The following FBXW8 variants were observed in gnomAD, a reference collection of about 807,000 sequenced individuals.
The protein encoded by FBXW8 is F-box/WD repeat-containing protein 8.
Under a neutral mutation model 65.3 loss-of-function variants are expected in FBXW8, and 57 were observed. That is an observed-to-expected ratio of 0.87 (90% CI 0.71 to 1.09). The LOEUF (loss-of-function observed/expected upper bound fraction) is 1.09, where lower values mean the gene tolerates loss of function less well. Ranked by LOEUF, FBXW8 falls within the 50% of genes least tolerant of loss-of-function variation. The pLI is 0.00. For synonymous variants in FBXW8, 308 were observed against 330.2 expected, an observed-to-expected ratio of 0.93 and a Z score of 0.73; for missense variants, 777 against 814.8, an observed-to-expected ratio of 0.95 and a Z score of 0.57.
chr12:117,002,011 G>GT (rs368129630), intron 7 of FBXW8, among the ~76,000 whole-genome samples: 13 of 152,332 alleles, frequency 8.5e-5, no homozygotes, highest in African/African-American at 3.1e-4. Context: ...GGTTTGGATG[G>GT]TTTTTGCCTG....
chr12:116,912,450 TC>T lies in FBXW8; in HGVS notation c.318+1096del, dbSNP rs373132395. Among the ~76,000 whole-genome samples the T allele has an allele frequency of 4.1e-3, 544 of 133,678 alleles. 6 individuals are homozygous for T. Among genetic ancestry groups the T allele is most frequent in the African/African-American group, 0.014 (524 of 37,574 alleles). 87.7% of individuals were successfully genotyped at this position (133,678 alleles called of 152,430 possible). A position where few individuals can be genotyped will look rare whatever the true frequency, so the allele number is the denominator to read the frequency against. On this transcript the variant is annotated intron_variant, in intron 1 of 10. Transcript: ENST00000652555. The stretch of plus-strand genomic sequence containing the variant: ...AGTGATCCTCCCAATTGAGAATCAT[TC>T]TTTTTTTTTTTTTTTTTTTTTGAGA...
chr12:117,013,202 A>T (rs1953868089), intron 8 of FBXW8, among the ~76,000 whole-genome samples: 2 of 152,042 alleles, frequency 1.3e-5, no homozygotes, highest in African/African-American at 4.8e-5. Context: ...AGATCACACC[A>T]CTGCACTCCA....
Position 116,974,100 on chromosome 12 carries a change from C to T in FBXW8, c.835+9246C>T, listed in dbSNP as rs139835529. On this transcript the variant is annotated intron_variant, in intron 5 of 10. Transcript: ENST00000652555. ...ACAAGGAGGGGGACCTAAACAGAGTCTGGTGGCCTCCCTGACTTGAGGAGG... is the reference window on the plus strand; with the variant it reads ...ACAAGGAGGGGGACCTAAACAGAGTTTGGTGGCCTCCCTGACTTGAGGAGG... Among the ~76,000 whole-genome samples, 74 of 152,320 alleles carry T rather than the reference C, an allele frequency of 4.9e-4. No homozygotes were observed. The East Asian group carries it at 0.014, about 28-fold the overall frequency.
chr12:116,934,738 C>A (rs1006142674), intron 2 of FBXW8, among the ~76,000 whole-genome samples: 1 of 152,222 alleles, frequency 6.6e-6, no homozygotes, highest in Non-Finnish European at 1.5e-5. Context: ...AACTACAGAA[C>A]AGTAGCAAAC....
chr12:117,006,868 A>G (rs1953689303), intron 7 of FBXW8, among the ~76,000 whole-genome samples: 1 of 152,240 alleles, frequency 6.6e-6, no homozygotes, highest in South Asian at 2.1e-4. Context: ...ATTATAAACA[A>G]TCCATATGGA....
Position 117,022,614 on chromosome 12 carries a change from C to T in FBXW8, c.1368-1533C>T, listed in dbSNP as rs139218115. Among the ~76,000 whole-genome samples the T allele has an allele frequency of 2.0e-5, 3 of 152,236 alleles. No homozygotes were observed. In the East Asian group the frequency reaches 5.8e-4, roughly 29 times the overall value. On this transcript the variant is annotated intron_variant, in intron 8 of 10. Coordinates refer to ENST00000652555, the MANE Select transcript of FBXW8 (RefSeq NM_153348.3). Reference sequence around the variant, plus strand: ...AGGCTGCAGTGAGCCATGATGGTGCCACTACACTCCAGCCTGGGTGATGGG... The same window carrying T: ...AGGCTGCAGTGAGCCATGATGGTGCTACTACACTCCAGCCTGGGTGATGGG...
chr12:116,951,803 A>G (rs1482250046), intron 4 of FBXW8, among the ~76,000 whole-genome samples: 1 of 152,202 alleles, frequency 6.6e-6, no homozygotes. Context: ...TCCTTTTCAC[A>G]TAAAACCAGT....
chr12:116,979,909 A>C (rs1033740963), intron 5 of FBXW8, among the ~76,000 whole-genome samples: 1 of 151,672 alleles, frequency 6.6e-6, no homozygotes, highest in Admixed American at 6.6e-5. Flanking sequence ...AGTCGTAGAG[A>C]TCTTTGGGCA....
At position 116,988,869 on chromosome 12, in the gene FBXW8, G is replaced by C. The variant is rs775343346; in HGVS notation, c.1239G>C (p.Lys413Asn). Reference sequence around the variant, plus strand: ...TGGGATGGGTGTACGAAGGAAGCAAGGTACACAACTAGCAAGATATATAAT... The same window carrying C: ...TGGGATGGGTGTACGAAGGAAGCAACGTACACAACTAGCAAGATATATAAT... The part of the protein sequence containing the change: ...QGLGWVYEGS[K>N]ILVYSLEAGR... The change falls in exon 7 of 11, where the codon AAG becomes AAC. Residue 413 changes from lysine to asparagine, a missense_variant and splice_region_variant. Coordinates refer to ENST00000652555, the MANE Select transcript of FBXW8 (RefSeq NM_153348.3). The C allele has an allele frequency of 1.9e-6, 3 of 1,612,870 alleles. No homozygotes were observed. The highest frequency in any genetic ancestry group is 4.5e-5 in the East Asian group (2 of 44,874).
Position 116,928,017 on chromosome 12 carries a change from C to T in FBXW8, c.319-6C>T, listed in dbSNP as rs780152363. 5 of 1,540,144 alleles carry T rather than the reference C, an allele frequency of 3.2e-6. No homozygotes were observed. The African/African-American group carries it at 4.2e-5, about 13-fold the overall frequency. The stretch of plus-strand genomic sequence containing the variant: ...ATAAACTTCTTTCTTTTTTTTTTCC[C>T]CTCAGAATGAAATGAATGATGTGCC... On this transcript the variant is annotated splice_region_variant and splice_polypyrimidine_tract_variant and intron_variant, in intron 1 of 10. Transcript: ENST00000652555.
At chr12:116,915,284 C>G (rs1364485901) in intron 1 of FBXW8, among the ~76,000 whole-genome samples, 1 of 152,214 alleles carries the variant, frequency 6.6e-6, no homozygotes, top group Non-Finnish European at 1.5e-5. Flanking sequence ...CTGGTCATAG[C>G]TTTATAATTC....
intron 2 of FBXW8, among the ~76,000 whole-genome samples, chr12:116,930,374 T>G (rs1881674518): frequency 6.6e-6 from 1 of 152,246 alleles, no homozygotes; most frequent in South Asian, 2.1e-4. Flanking sequence ...TAGTTTAATT[T>G]GCATTTCTCT....
chr12:116,985,335 T>A lies in FBXW8; in HGVS notation c.965T>A (p.Val322Asp). 1.2e-6 allele frequency: 2 copies of A among 1,614,214 alleles called. No individual in the cohort carries two copies. The highest frequency in any genetic ancestry group is 2.7e-5 in the African/African-American group (2 of 75,048). ...GTGGCCACAGCTTCTGCTTTTGATG[T>A]CGTGATGTTATCCCCCAATGAGGAG... ...ATVATASAFDVVMLSPNEEGY... is the reference protein window; with the variant it reads ...ATVATASAFDDVMLSPNEEGY... Residue 322 changes from valine to aspartate, a missense_variant, in exon 6 of 11, where the codon GTC becomes GAC. Physicochemically the swap from Val to Asp is radical, Grantham distance 152. Coordinates refer to ENST00000652555, the MANE Select transcript of FBXW8 (RefSeq NM_153348.3).
intron 3 of FBXW8, among the ~76,000 whole-genome samples, chr12:116,948,187 G>A (rs1883054059): frequency 6.6e-6 from 1 of 152,202 alleles, no homozygotes; most frequent in Non-Finnish European, 1.5e-5. Flanking sequence ...TAATTGTGGT[G>A]GCCATAGTGT....
intron 4 of FBXW8, among the ~76,000 whole-genome samples, chr12:116,952,078 G>A (rs1883321250): frequency 1.3e-5 from 2 of 152,108 alleles, no homozygotes. Context: ...CACTTTTCAA[G>A]TGTACCTTTG....
Position 117,017,893 on chromosome 12 carries a change from G to C in FBXW8, c.1368-6254G>C, listed in dbSNP as rs554297194. On this transcript the variant is annotated intron_variant, in intron 8 of 10. Transcript: ENST00000652555. Reference sequence around the variant, plus strand: ...CCTGAGTTGTGACCCCCCAATTACAGAGTCTCAGTGCTTGCTTCTTGCCCT... The same window carrying C: ...CCTGAGTTGTGACCCCCCAATTACACAGTCTCAGTGCTTGCTTCTTGCCCT... Among the ~76,000 whole-genome samples, 3 of 152,268 alleles carry C rather than the reference G, an allele frequency of 2.0e-5. No homozygotes were observed. The South Asian group carries it at 6.2e-4, about 32-fold the overall frequency.
At position 116,949,718 on chromosome 12, in the gene FBXW8, C is replaced by T. The variant is rs765151874; in HGVS notation, c.677+12C>T. Reference sequence around the variant, plus strand: ...GTGGTCATTGCGGGGTAAGCCAAACCGTTTCCACTGAGTGCTCTGCATCTG... The same window carrying T: ...GTGGTCATTGCGGGGTAAGCCAAACTGTTTCCACTGAGTGCTCTGCATCTG... On this transcript the variant is annotated intron_variant, in intron 4 of 10. Transcript: ENST00000652555. The T allele has an allele frequency of 1.4e-5, 22 of 1,612,778 alleles. No homozygotes were observed. The highest frequency in any genetic ancestry group is 1.7e-5 in the Admixed American group (1 of 59,996).
At position 117,010,393 on chromosome 12, in the gene FBXW8, G is replaced by A; in HGVS notation, c.1310G>A (p.Cys437Tyr). 1.2e-6 allele frequency: 2 copies of A among 1,613,252 alleles called. No individual in the cohort carries two copies. The highest frequency in any genetic ancestry group is 2.2e-5 in the East Asian group (1 of 44,878). Residue 437 changes from cysteine to tyrosine, a missense_variant, in exon 8 of 11, where the codon TGT (cysteine) becomes TAT (tyrosine). Physicochemically the swap from Cys to Tyr is radical, Grantham distance 194 (BLOSUM62 -2). Coordinates refer to ENST00000652555, the MANE Select transcript of FBXW8 (RefSeq NM_153348.3). ...KLGNVLRDFT[C>Y]VNLSDSPPNL... is the part of the protein sequence containing the mutation. ...GGTAACGTTCTCCGTGACTTCACGT[G>A]TGTCAACCTCAGCGACAGCCCTCCC...
intron 7 of FBXW8, among the ~76,000 whole-genome samples, chr12:116,996,416 A>C (rs1953375806): frequency 6.6e-6 from 1 of 152,162 alleles, no homozygotes; most frequent in African/African-American, 2.4e-5. Context: ...TAGGAATCAG[A>C]AATGCAGTGC....
Sources: allele counts gnomAD v4.1 joint callset (sites outside exome capture counted in the v4.1 genomes callset), GRCh38; gene constraint gnomAD v4.1.1; transcripts MANE v1.5; gene names NCBI Gene and HGNC (gene_info 2026-07-23, HGNC 2026-07-21).